PRKCB: variants seen among roughly 807,000 people sequenced by gnomAD.
PRKCB encodes the protein protein kinase C beta type.
In PRKCB, 13 loss-of-function variants were observed where a neutral mutation model predicts 81.5. The ratio of observed to expected loss-of-function variants is 0.16; its 90% CI spans 0.10 to 0.25. The LOEUF is 0.25. PRKCB is among the 10% of genes least tolerant of loss of function. The pLI is 1.00. For synonymous variants in PRKCB, 335 were observed against 321.4 expected (o/e 1.04, Z -0.45); for missense variants, 509 against 875.7 (o/e 0.58, Z 5.29).
At chr16:23,893,959 G>A (rs917645942) in intron 2 of PRKCB, 1 of 152,212 alleles carries the variant, frequency 6.6e-6, no homozygotes, top group Non-Finnish European at 1.5e-5. Flanking sequence ...GCACAACTTA[G>A]TGGTGTCAAA....
rs559286875 is a variant in PRKCB at position 23,931,928 on chromosome 16, TATA to T, written c.206-56577_206-56575del. 1.9e-3 allele frequency among the ~76,000 whole-genome samples: 297 copies of T among 152,312 alleles called. 1 individual carries two copies. The highest frequency in any genetic ancestry group is 6.8e-3 in the African/African-American group (282 of 41,562). On this transcript the variant is annotated intron_variant, in intron 2 of 16. Coordinates refer to ENST00000643927, the MANE Select transcript of PRKCB (RefSeq NM_002738.7). The stretch of plus-strand genomic sequence containing the variant: ...GTTTTGAAATAAATCCCAGACACCA[TATA>T]ATTTCAGTAATTATCAATCTCAATA...
At chr16:24,168,359 TA>T (rs1474839287) in intron 10 of PRKCB, among the ~76,000 whole-genome samples, 2 of 152,162 alleles carry the variant, frequency 1.3e-5, no homozygotes, top group Non-Finnish European at 2.9e-5. Context: ...CCCGGTTTTA[TA>T]GCCCCTCACA....
chr16:23,844,865 G>A (rs1488154130), intron 2 of PRKCB, among the ~76,000 whole-genome samples: 2 of 149,256 alleles, frequency 1.3e-5, no homozygotes, highest in East Asian at 2.0e-4. Context: ...GCAGTAGTAC[G>A]ATCTTGGTTC....
At chr16:24,021,307 C>CTCTCTCTTTCTTTCT (rs1397777370) in intron 3 of PRKCB, among the ~76,000 whole-genome samples, 1 of 25,100 alleles carries the variant, frequency 4.0e-5, no homozygotes, top group Non-Finnish European at 6.8e-5. Flanking sequence ...TCCTTCCTTC[C>CTCTCTCTTTCTTTCT]TTCCTTCCTT....
intron 2 of PRKCB, among the ~76,000 whole-genome samples, chr16:23,870,258 A>C (rs997121425): frequency 1.3e-5 from 2 of 152,206 alleles, no homozygotes; most frequent in African/African-American, 4.8e-5. Context: ...TGGTGTGATG[A>C]GTGTCATCTG....
Position 24,060,374 on chromosome 16 carries a change from C to G in PRKCB, c.529+24827C>G, listed in dbSNP as rs544318184. On this transcript the variant is annotated intron_variant, in intron 5 of 16. Transcript: ENST00000643927. ...GGTTAGTTAGTGAACTCCTACCAAG[C>G]TCCTTTGTACAGGGCATTTAGCAAA... Among the ~76,000 whole-genome samples, 8 of 152,308 alleles carry G rather than the reference C, an allele frequency of 5.3e-5. No individual in the cohort carries two copies. The East Asian group carries it at 1.5e-3, about 29-fold the overall frequency.
chr16:24,017,551 A>T (rs888580288), intron 3 of PRKCB, among the ~76,000 whole-genome samples: 2 of 152,214 alleles, frequency 1.3e-5, no homozygotes, highest in Admixed American at 1.3e-4. Context: ...TGAAAAAAGA[A>T]CATCGACAAA....
chr16:24,152,938 A>C (rs1411733559), intron 9 of PRKCB, among the ~76,000 whole-genome samples: 9 of 152,134 alleles, frequency 5.9e-5, no homozygotes, highest in Admixed American at 3.3e-4. Context: ...AGGTGTCCCA[A>C]ATCCCTGCAT....
At chr16:23,874,465 A>G (rs1266998378) in intron 2 of PRKCB, among the ~76,000 whole-genome samples, 2 of 152,094 alleles carry the variant, frequency 1.3e-5, no homozygotes, top group Admixed American at 6.6e-5. Context: ...TGTAAATGAA[A>G]CCTTAAGAGT....
chr16:23,962,799 A>G (rs1286027087), intron 2 of PRKCB, among the ~76,000 whole-genome samples: 1 of 151,622 alleles, frequency 6.6e-6, no homozygotes, highest in African/African-American at 2.4e-5. Context: ...TTTTGGTTAC[A>G]TGGATAAGTT....
At chr16:24,074,134 CAA>C (rs879766378) in intron 5 of PRKCB, among the ~76,000 whole-genome samples, 32 of 130,390 alleles carry the variant, frequency 2.5e-4, no homozygotes, top group Non-Finnish European at 4.1e-4. Flanking sequence ...GACTCCATCT[CAA>C]AAAAAAAAAA....
At chr16:24,034,346 G>A (rs1965586556) in intron 4 of PRKCB, among the ~76,000 whole-genome samples, 1 of 152,184 alleles carries the variant, frequency 6.6e-6, no homozygotes, top group South Asian at 2.1e-4. Context: ...CTTGAAATAG[G>A]GGCCCATGGG....
chr16:24,055,748 A>G (rs1965895943), intron 5 of PRKCB, among the ~76,000 whole-genome samples: 1 of 152,204 alleles, frequency 6.6e-6, no homozygotes, highest in African/African-American at 2.4e-5. Flanking sequence ...AGCAGTCCCA[A>G]AGGATGTTCC....
chr16:23,944,644 C>A (rs1222258682), intron 2 of PRKCB, among the ~76,000 whole-genome samples: 1 of 152,164 alleles, frequency 6.6e-6, no homozygotes, highest in African/African-American at 2.4e-5. Flanking sequence ...AGAGAGCATG[C>A]CTTGCTCAAG....
At chr16:23,881,876 C>G (rs1461188992) in intron 2 of PRKCB, among the ~76,000 whole-genome samples, 1 of 151,986 alleles carries the variant, frequency 6.6e-6, no homozygotes, top group Non-Finnish European at 1.5e-5. Context: ...CTTCCTGTTT[C>G]TATGAGTTTG....
At chr16:24,016,114 G>C (rs991779458) in intron 3 of PRKCB, among the ~76,000 whole-genome samples, 1 of 152,060 alleles carries the variant, frequency 6.6e-6, no homozygotes, top group Non-Finnish European at 1.5e-5. Flanking sequence ...TACCGCTAGG[G>C]TTATTATCCT....
At chr16:24,212,461 CTTTTTTT>C (rs975667798) in intron 16 of PRKCB, among the ~76,000 whole-genome samples, 163 of 78,030 alleles carry the variant, frequency 2.1e-3, no homozygotes, top group East Asian at 0.011. Flanking sequence ...CTTTTTTTTC[CTTTTTTT>C]TTTTTTTTTT....
chr16:24,218,128 CTCTCCAAGAAAT>C lies in PRKCB; in HGVS notation c.*3323_*3334del. 2 of 985,280 alleles carry C rather than the reference CTCTCCAAGAAAT, an allele frequency of 2.0e-6. No individual in the cohort carries two copies. The highest frequency in any genetic ancestry group is 1.1e-4 in the East Asian group (1 of 8,808). The allele number at this position is 985,280 out of a possible 1,614,324, so 61.0% of individuals were successfully genotyped here. ...CAGATGAGGACCCTGTTTATTGTTT[CTCTCCAAGAAAT>C]TCTCCAAGAATATTGTTTCTTGGAG... On this transcript the variant is annotated 3_prime_UTR_variant, in exon 17 of 17. Transcript: ENST00000643927.
rs561917432 is a variant in PRKCB, at chr16:24,077,602, A to G, written c.530-15189A>G. ...AGCCAACTCATCCATCCATGTAATC[A>G]TATATCCGTTTAGGATAAATGTATC... On this transcript the variant is annotated intron_variant, in intron 5 of 16. Transcript: ENST00000643927. Among the ~76,000 whole-genome samples, 6 of 152,304 alleles carry G rather than the reference A, an allele frequency of 3.9e-5. No homozygotes were observed. The East Asian group carries it at 7.7e-4, about 20-fold the overall frequency.
Sources: allele counts gnomAD v4.1 joint callset (sites outside exome capture counted in the v4.1 genomes callset), GRCh38; gene constraint gnomAD v4.1.1; transcripts MANE v1.5; gene names NCBI Gene and HGNC (gene_info 2026-07-23, HGNC 2026-07-21).